ST3GAL3: variants seen among roughly 807,000 people sequenced by gnomAD.
ST3GAL3 encodes CMP-N-acetylneuraminate-beta-1,4-galactoside alpha-2,3-sialyltransferase.
ST3GAL3 carries 21 observed loss-of-function variants against 50.1 expected under a neutral mutation model. That is an observed-to-expected ratio of 0.42 (90% CI 0.30 to 0.60). The LOEUF (loss-of-function observed/expected upper bound fraction) is 0.60, where lower values mean the gene tolerates loss of function less well. Ranked by LOEUF, ST3GAL3 falls within the 20% of genes least tolerant of loss-of-function variation. ST3GAL3 has a pLI of 0.19. For synonymous variants in ST3GAL3, 183 were observed against 190.0 expected (o/e 0.96, Z 0.30); for missense variants, 353 against 489.4 (o/e 0.72, Z 2.63).
intron 1 of ST3GAL3, among the ~76,000 whole-genome samples, chr1:43,719,533 C>T (rs920706487): frequency 3.3e-5 from 5 of 151,946 alleles, no homozygotes; most frequent in African/African-American, 9.7e-5. Context: ...GGTGTGGTGG[C>T]GGGTGCCTGT....
At position 43,851,285 on chromosome 1, in the gene ST3GAL3, C is replaced by G. The variant is rs1358506147; in HGVS notation, c.302+12974C>G. 1.9e-6 allele frequency: 3 copies of G among 1,578,564 alleles called. No homozygotes were observed. The African/African-American group carries it at 4.0e-5, about 21-fold the overall frequency. ...GATTTTCTTCTTGTCTGTCATGAAC[C>G]CGTGGGTCAGGTGACCCCCATCTGG... On this transcript the variant is annotated intron_variant, in intron 5 of 11. Coordinates refer to ENST00000347631, the MANE Select transcript of ST3GAL3 (RefSeq NM_006279.5).
intron 1 of ST3GAL3, among the ~76,000 whole-genome samples, chr1:43,734,297 CT>C (rs751937263): frequency 7.9e-5 from 9 of 114,440 alleles, no homozygotes; most frequent in South Asian, 3.0e-4. Context: ...TCTTCTTCTT[CT>C]TTTTTTTTTG....
chr1:43,797,511 C>G (rs2058812640), intron 3 of ST3GAL3, among the ~76,000 whole-genome samples: 1 of 152,094 alleles, frequency 6.6e-6, no homozygotes, highest in South Asian at 2.1e-4. Flanking sequence ...TCAATATAAT[C>G]CACCGTATTA....
intron 3 of ST3GAL3, among the ~76,000 whole-genome samples, chr1:43,813,377 C>G (rs1057411587): frequency 1.3e-5 from 2 of 152,250 alleles, no homozygotes; most frequent in South Asian, 4.2e-4. Context: ...TTGTATTTTT[C>G]GTTTTATTTT....
intron 11 of ST3GAL3, 135 bp downstream of exon 11, chr1:43,921,063 C>G: frequency 9.5e-7 from 1 of 1,054,290 alleles, no homozygotes; most frequent in Non-Finnish European, 1.4e-6. Context: ...AAGCATCCTA[C>G]GTGCCCTCTC....
intron 5 of ST3GAL3, among the ~76,000 whole-genome samples, chr1:43,876,726 A>T (rs1290722890): frequency 6.6e-6 from 1 of 152,192 alleles, no homozygotes; most frequent in Non-Finnish European, 1.5e-5. Context: ...CTGGATGGCC[A>T]TGGGGTGCTC....
intron 2 of ST3GAL3, among the ~76,000 whole-genome samples, chr1:43,759,058 A>AGCGCGC (rs550891277): frequency 5.3e-5 from 6 of 113,636 alleles, no homozygotes; most frequent in African/African-American, 1.8e-4. Flanking sequence ...AACAAACAAA[A>AGCGCGC]GCGCGCGCAC....
chr1:43,832,595 C>A (rs1467341049), intron 4 of ST3GAL3, among the ~76,000 whole-genome samples: 1 of 152,052 alleles, frequency 6.6e-6, no homozygotes, highest in Non-Finnish European at 1.5e-5. Context: ...ACCCAGCAGA[C>A]CTTGGAGTAA....
chr1:43,802,136 G>A (rs182225839), intron 3 of ST3GAL3, among the ~76,000 whole-genome samples: 1 of 152,106 alleles, frequency 6.6e-6, no homozygotes. Context: ...ACTAGAGCTT[G>A]TTTCGGTGTT....
intron 2 of ST3GAL3, among the ~76,000 whole-genome samples, chr1:43,790,772 C>T (rs991498712): frequency 2.6e-5 from 4 of 151,794 alleles, no homozygotes; most frequent in Non-Finnish European, 5.9e-5. Flanking sequence ...GCCAGGACTA[C>T]AGGCACGCGT....
rs59739550 is a variant in ST3GAL3 at position 43,889,203 on chromosome 1, TACAC to T, written c.303-5153_303-5150del. Among the ~76,000 whole-genome samples, 601 of 148,140 alleles carry T rather than the reference TACAC, an allele frequency of 4.1e-3. 4 individuals carry two copies. Among genetic ancestry groups the T allele is most frequent in the Middle Eastern group, 0.014 (4 of 292 alleles). ...TAGTGAATAAAGAAGGGAACAGGAA[TACAC>T]ACACACACACACACACACACACACA... is the stretch of plus-strand genomic sequence containing the variant. On this transcript the variant is annotated intron_variant, in intron 5 of 11. Coordinates refer to ENST00000347631, the MANE Select transcript of ST3GAL3 (RefSeq NM_006279.5).
chr1:43,822,125 A>T (rs935895456), intron 4 of ST3GAL3, among the ~76,000 whole-genome samples: 3 of 152,184 alleles, frequency 2.0e-5, no homozygotes, highest in Non-Finnish European at 4.4e-5. Context: ...TCAAAGGAAG[A>T]GAGGCAGAGC....
chr1:43,838,040 G>A (rs1020912279), intron 4 of ST3GAL3, among the ~76,000 whole-genome samples, 179 bp from the exon 5 acceptor site: 6 of 139,488 alleles, frequency 4.3e-5, no homozygotes, highest in Admixed American at 1.5e-4. Context: ...GCGTGAACCC[G>A]GGAGGCGGAG....
chr1:43,731,692 C>T (rs137965049), intron 1 of ST3GAL3, among the ~76,000 whole-genome samples: 4,085 of 151,328 alleles, frequency 0.027, 186 homozygotes, highest in African/African-American at 0.095. Flanking sequence ...CCACTGCGCC[C>T]GGCCTAATTT....
intron 4 of ST3GAL3, among the ~76,000 whole-genome samples, chr1:43,820,735 G>A (rs1473548504): frequency 6.6e-6 from 1 of 151,582 alleles, no homozygotes; most frequent in East Asian, 2.0e-4. Context: ...GAATACTGAT[G>A]TGCAAAACCT....
At chr1:43,747,859 G>A (rs1246359073) in intron 2 of ST3GAL3, among the ~76,000 whole-genome samples, 1 of 151,968 alleles carries the variant, frequency 6.6e-6, no homozygotes, top group African/African-American at 2.4e-5. Context: ...GGGATTACAG[G>A]TGTGAGTCAC....
At chr1:43,887,405 T>TA (rs2076136987) in intron 5 of ST3GAL3, among the ~76,000 whole-genome samples, 2 of 152,078 alleles carry the variant, frequency 1.3e-5, no homozygotes, top group Non-Finnish European at 1.5e-5. Flanking sequence ...GATAATAGAC[T>TA]AGAAGTATGT....
intron 9 of ST3GAL3, chr1:43,916,989 T>G (rs2081924356): frequency 6.6e-6 from 1 of 152,226 alleles, no homozygotes; most frequent in East Asian, 1.9e-4. Flanking sequence ...TTTTTTCACT[T>G]TGTAAGTAAT....
chr1:43,804,826 G>C (rs2059692233), intron 3 of ST3GAL3, among the ~76,000 whole-genome samples: 1 of 152,114 alleles, frequency 6.6e-6, no homozygotes, highest in Admixed American at 6.5e-5. Flanking sequence ...GAGAAGGAGA[G>C]GGAGAGGAAG....
Sources: gnomAD v4.1 joint callset for allele counts (sites outside exome capture counted in the v4.1 genomes callset) on GRCh38, gnomAD v4.1.1 for gene constraint, MANE v1.5 for transcripts, NCBI Gene and HGNC (gene_info 2026-07-23, HGNC 2026-07-21) for gene names.